DNAH14: variants seen among roughly 807,000 people sequenced by gnomAD.
DNAH14 encodes axonemal beta dynein heavy chain 14.
DNAH14 carries 478 observed loss-of-function variants against 520.9 expected under a neutral mutation model. That is an observed-to-expected ratio of 0.92 (90% CI 0.85 to 0.99). The LOEUF (loss-of-function observed/expected upper bound fraction) is 0.99, where lower values mean the gene tolerates loss of function less well. DNAH14 is among the 50% of genes least tolerant of loss of function. The pLI, the probability that DNAH14 is intolerant of heterozygous loss-of-function variation, is 0.00. For synonymous variants in DNAH14, 1,581 were observed against 1,757.2 expected (o/e 0.90, Z 2.51); for missense variants, 4,831 against 5,234.5 (o/e 0.92, Z 2.38).
At position 225,143,721 on chromosome 1, in the gene DNAH14, TA is replaced by T. The variant is rs149604003; in HGVS notation, c.4509-667del. ...TTTTGCTTGACAATGTTTTAATATT[TA>T]AAAAAAAACATAAAATTCTTTACAA... On this transcript the variant is annotated intron_variant, in intron 28 of 85. Coordinates refer to ENST00000682510, the MANE Select transcript of DNAH14 (RefSeq NM_001367479.1). 9.0e-3 allele frequency among the ~76,000 whole-genome samples: 1,369 copies of T among 151,632 alleles called. 15 individuals carry two copies. Among genetic ancestry groups the T allele is most frequent in the Non-Finnish European group, 0.013 (874 of 67,874 alleles).
At position 225,335,739 on chromosome 1, in the gene DNAH14, A is replaced by G. The variant is rs1208191437; in HGVS notation, c.10081-1527A>G. Among the ~76,000 whole-genome samples the G allele has an allele frequency of 2.3e-4, 19 of 83,910 alleles. 1 individual carries two copies. The highest frequency in any genetic ancestry group is 4.0e-4 in the Non-Finnish European group (17 of 42,874). 55.0% of individuals were successfully genotyped at this position (83,910 alleles called of 152,430 possible). On this transcript the variant is annotated intron_variant, in intron 66 of 85. Transcript: ENST00000682510. Reference sequence around the variant, plus strand: ...TACGCATATATACATATGTGCATATATGTATATACGCATATATACATACAT... The same window carrying G: ...TACGCATATATACATATGTGCATATGTGTATATACGCATATATACATACAT...
chr1:225,231,203 C>A, intron 42 of DNAH14, 52 bp downstream of exon 42: 12 of 1,216,778 alleles, frequency 9.9e-6, no homozygotes, highest in Non-Finnish European at 1.4e-5. Context: ...AGGTGCCAGA[C>A]CCTCAAATAT....
At chr1:225,149,442 T>C (rs1196620142) in intron 31 of DNAH14, among the ~76,000 whole-genome samples, 5 of 152,224 alleles carry the variant, frequency 3.3e-5, no homozygotes, top group African/African-American at 7.2e-5. Flanking sequence ...AATTGTAAAA[T>C]AGTTTTTTTC....
chr1:225,205,340 T>C (rs964890948), intron 39 of DNAH14, among the ~76,000 whole-genome samples: 1 of 152,188 alleles, frequency 6.6e-6, no homozygotes, highest in Non-Finnish European at 1.5e-5. Context: ...TTCCACCATG[T>C]GAGGACAAAG....
At chr1:225,219,605 C>A (rs550006973) in intron 41 of DNAH14, among the ~76,000 whole-genome samples, 6 of 152,050 alleles carry the variant, frequency 3.9e-5, no homozygotes, top group African/African-American at 9.6e-5. Context: ...AAGACTAAAC[C>A]AGGAAGAAGT....
chr1:224,932,035 T>C (rs1293421199), intron 1 of DNAH14, among the ~76,000 whole-genome samples: 2 of 152,212 alleles, frequency 1.3e-5, no homozygotes, highest in Admixed American at 1.3e-4. Flanking sequence ...TCCCTACTGC[T>C]TTCCATAGTG....
At chr1:225,116,702 T>C (rs1343184181) in intron 23 of DNAH14, among the ~76,000 whole-genome samples, 1 of 152,140 alleles carries the variant, frequency 6.6e-6, no homozygotes, top group African/African-American at 2.4e-5. Context: ...CATTAAGATG[T>C]ATGGGTCCAA....
intron 84 of DNAH14, among the ~76,000 whole-genome samples, chr1:225,395,488 A>C (rs2095995904): frequency 6.6e-6 from 1 of 151,340 alleles, no homozygotes; most frequent in South Asian, 2.1e-4. Context: ...GCTACTCGAG[A>C]GGCTGAGGCA....
At chr1:225,029,747 A>T (rs2066395814) in intron 11 of DNAH14, among the ~76,000 whole-genome samples, 1 of 151,986 alleles carries the variant, frequency 6.6e-6, no homozygotes, top group Non-Finnish European at 1.5e-5. Flanking sequence ...TAAAAAGTGT[A>T]TCATATACCC....
At chr1:225,056,300 T>A (rs1484963206) in intron 17 of DNAH14, among the ~76,000 whole-genome samples, 1 of 152,244 alleles carries the variant, frequency 6.6e-6, no homozygotes, top group African/African-American at 2.4e-5. Flanking sequence ...TGATGAGCAT[T>A]TTTTCATGTC....
At chr1:225,333,244 G>T (rs992263272) in intron 65 of DNAH14, 47 bp from the exon 66 acceptor site, 4 of 1,373,360 alleles carry the variant, frequency 2.9e-6, no homozygotes, top group South Asian at 1.5e-5. Context: ...AATATCTCAT[G>T]ATAATATATT....
At chr1:225,306,193 G>T (rs1385528526) in intron 58 of DNAH14, among the ~76,000 whole-genome samples, 1 of 152,192 alleles carries the variant, frequency 6.6e-6, no homozygotes, top group Non-Finnish European at 1.5e-5. Flanking sequence ...GCTAATGTGG[G>T]GTCAGGGTCT....
intron 23 of DNAH14, among the ~76,000 whole-genome samples, chr1:225,111,140 T>C: frequency 6.6e-6 from 1 of 152,154 alleles, no homozygotes; most frequent in Non-Finnish European, 1.5e-5. Flanking sequence ...CCATTTGGTC[T>C]ATTGTGCAGA....
At chr1:225,297,634 G>A (rs2094038959) in intron 55 of DNAH14, among the ~76,000 whole-genome samples, 1 of 152,192 alleles carries the variant, frequency 6.6e-6, no homozygotes, top group South Asian at 2.1e-4. Context: ...TGTAATCCAT[G>A]CTGGTGACAT....
At chr1:225,355,232 T>C (rs1285718848) in intron 73 of DNAH14, among the ~76,000 whole-genome samples, 1 of 152,116 alleles carries the variant, frequency 6.6e-6, no homozygotes, top group Admixed American at 6.6e-5. Context: ...TCTTGCTGTG[T>C]CCTCACAACA....
intron 31 of DNAH14, among the ~76,000 whole-genome samples, chr1:225,148,464 C>A (rs1231398762): frequency 2.9e-5 from 4 of 136,554 alleles, no homozygotes; most frequent in Non-Finnish European, 4.5e-5. Flanking sequence ...TGCAATGGCA[C>A]AATCTCAGCT....
Position 225,232,855 on chromosome 1 carries a change from T to C in DNAH14, c.6518+1704T>C, listed in dbSNP as rs1239876465. On this transcript the variant is annotated intron_variant, in intron 42 of 85. Transcript: ENST00000682510. This position sits in a 1 kb window ranked among gnomAD's most constrained non-coding sequence, Gnocchi z 4.2. Reference sequence around the variant, plus strand: ...GCACAGGATGTGCAGGTTTGTTACATAGGTAAATGTGTGCCATGGTGGTTT... The same window carrying C: ...GCACAGGATGTGCAGGTTTGTTACACAGGTAAATGTGTGCCATGGTGGTTT... 6.6e-6 allele frequency among the ~76,000 whole-genome samples: 1 copy of C among 152,206 alleles called. No homozygotes were observed. Among genetic ancestry groups the C allele is most frequent in the African/African-American group, 2.4e-5 (1 of 41,454 alleles).
At chr1:225,057,130 C>T (rs1327782383) in intron 17 of DNAH14, among the ~76,000 whole-genome samples, 1 of 152,154 alleles carries the variant, frequency 6.6e-6, no homozygotes, top group African/African-American at 2.4e-5. Context: ...GGCAGTATGC[C>T]CATTTGCACG....
At chr1:225,270,480 A>G (rs565154470) in intron 49 of DNAH14, among the ~76,000 whole-genome samples, 70 of 152,334 alleles carry the variant, frequency 4.6e-4, no homozygotes, top group African/African-American at 1.3e-3. Flanking sequence ...ATAATTTTAA[A>G]AAACAGGACC....
Sources: allele counts gnomAD v4.1 joint callset (sites outside exome capture counted in the v4.1 genomes callset), GRCh38; gene constraint gnomAD v4.1.1; non-coding constraint Gnocchi (gnomAD v3.1); transcripts MANE v1.5; gene names NCBI Gene and HGNC (gene_info 2026-07-23, HGNC 2026-07-21).